IQSEC1: variants seen among roughly 807,000 people sequenced by gnomAD.
IQSEC1 encodes IQ motif and Sec7 domain ArfGEF 1, also known as IQ motif and SEC7 domain-containing protein 1.
In IQSEC1, 31 loss-of-function variants were observed where a neutral mutation model predicts 91.0. The observed-to-expected ratio is 0.34, with a 90% CI of 0.26 to 0.46. The LOEUF (loss-of-function observed/expected upper bound fraction) is 0.46. Among genes scored for constraint, IQSEC1 ranks in the 20% least tolerant of loss-of-function variants. IQSEC1 has a pLI of 1.00. For synonymous variants in IQSEC1, 699 were observed against 662.6 expected (o/e 1.05, Z -0.84); for missense variants, 1,388 against 1,575.6 (o/e 0.88, Z 2.02).
intron 2 of IQSEC1, among the ~76,000 whole-genome samples, chr3:13,139,600 G>A (rs535385009): frequency 2.4e-4 from 36 of 152,288 alleles, no homozygotes; most frequent in East Asian, 7.7e-4. Context: ...GGGTGTTTGC[G>A]GTGATTCATC....
chr3:13,279,853 C>T (rs529107435), intron 1 of IQSEC1, among the ~76,000 whole-genome samples: 3 of 152,300 alleles, frequency 2.0e-5, no homozygotes, highest in Admixed American at 6.5e-5. Flanking sequence ...TTGGGAAACC[C>T]ATGCTCAACC....
At chr3:13,271,155 A>T (rs753835392) in intron 1 of IQSEC1, among the ~76,000 whole-genome samples, 1 of 152,134 alleles carries the variant, frequency 6.6e-6, no homozygotes, top group Non-Finnish European at 1.5e-5. Context: ...AGGTGGGCTG[A>T]TCACGAGGTC....
At chr3:13,176,520 CG>C (rs1559270552) in intron 1 of IQSEC1, among the ~76,000 whole-genome samples, 1 of 152,186 alleles carries the variant, frequency 6.6e-6, no homozygotes, top group Non-Finnish European at 1.5e-5. Flanking sequence ...GTAAAGCAGT[CG>C]GGAACACATT....
intron 1 of IQSEC1, among the ~76,000 whole-genome samples, chr3:13,024,445 TCATCCACCCATCTGTCCATC>T (rs1247987555): frequency 7.3e-6 from 1 of 137,670 alleles, no homozygotes; most frequent in Non-Finnish European, 1.6e-5. Flanking sequence ...ACCCATCCAC[TCATCCACCCATCTGTCCATC>T]CATCCACCCA....
Position 12,899,175 on chromosome 3 carries a change from A to AG in IQSEC1, c.*1807dup, listed in dbSNP as rs1306003320. 1.4e-5 allele frequency: 8 copies of AG among 589,078 alleles called. No individual in the cohort carries two copies. The highest frequency in any genetic ancestry group is 1.3e-4 in the African/African-American group (7 of 53,520). The allele number at this position is 589,078 out of a possible 1,614,324, so 36.5% of individuals were successfully genotyped here. On this transcript the variant is annotated 3_prime_UTR_variant, in exon 14 of 14. Coordinates refer to ENST00000613206, the MANE Select transcript of IQSEC1 (RefSeq NM_001134382.3). ...TATGACCGAGGGTGGGAGGGATGTG[A>AG]GGAGGGAAATCGGCAAAACCCTGGC...
chr3:13,047,595 A>C, intron 1 of IQSEC1: 2 of 798,804 alleles, frequency 2.5e-6, no homozygotes, highest in African/African-American at 1.9e-5. Context: ...GGCCATGTCC[A>C]CTCAGGCCCC....
intron 1 of IQSEC1, among the ~76,000 whole-genome samples, chr3:13,229,369 T>C (rs1694806623): frequency 1.3e-5 from 2 of 152,154 alleles, no homozygotes; most frequent in Non-Finnish European, 1.5e-5. Flanking sequence ...GCTTGCTGAG[T>C]GTACAGGGGT....
chr3:12,899,854 G>T lies in IQSEC1; in HGVS notation c.*1129C>A. 1.0e-6 allele frequency: 1 copy of T among 985,370 alleles called. No individual in the cohort carries two copies. The highest frequency in any genetic ancestry group is 1.2e-6 in the Non-Finnish European group (1 of 829,914). 61.0% of individuals were successfully genotyped at this position (985,370 alleles called of 1,614,324 possible). A position where few individuals can be genotyped will look rare whatever the true frequency, so the allele number is the denominator to read the frequency against. Reference sequence around the variant, plus strand: ...GATGAGGACGTTATGGTGTTGGGGAGACGAGGATGAGAGCTGGTCACTTTC... The same window carrying T: ...GATGAGGACGTTATGGTGTTGGGGATACGAGGATGAGAGCTGGTCACTTTC... On this transcript the variant is annotated 3_prime_UTR_variant, in exon 14 of 14. Transcript: ENST00000613206.
At chr3:12,987,893 C>T (rs1477172359) in intron 1 of IQSEC1, among the ~76,000 whole-genome samples, 2 of 152,220 alleles carry the variant, frequency 1.3e-5, no homozygotes, top group African/African-American at 4.8e-5. Flanking sequence ...CCATTACCCA[C>T]CCACCAGGTG....
chr3:13,205,750 C>G, intron 1 of IQSEC1, among the ~76,000 whole-genome samples: 1 of 151,042 alleles, frequency 6.6e-6, no homozygotes, highest in Non-Finnish European at 1.5e-5. Context: ...ACCCATCCAT[C>G]TCCCCTCCAC....
intron 2 of IQSEC1, among the ~76,000 whole-genome samples, chr3:13,089,688 ATCT>A (rs935182569): frequency 6.6e-6 from 1 of 152,256 alleles, no homozygotes; most frequent in Non-Finnish European, 1.5e-5. Context: ...AAAAGGACAC[ATCT>A]TCTATGATTC....
intron 1 of IQSEC1, among the ~76,000 whole-genome samples, chr3:13,026,864 G>GA (rs370534423): frequency 1.1e-5 from 1 of 90,864 alleles, no homozygotes; most frequent in South Asian, 5.9e-4. Context: ...TATCTCCCCA[G>GA]TTTTTTTTTT....
intron 1 of IQSEC1, among the ~76,000 whole-genome samples, chr3:13,057,722 A>ATGAT (rs2125079799): frequency 6.6e-6 from 1 of 152,314 alleles, no homozygotes; most frequent in African/African-American, 2.4e-5. Flanking sequence ...GCACAGTGAG[A>ATGAT]TGATTGTCCC....
At chr3:13,266,973 AG>A (rs1695502877) in intron 1 of IQSEC1, among the ~76,000 whole-genome samples, 1 of 151,116 alleles carries the variant, frequency 6.6e-6, no homozygotes, top group Admixed American at 6.6e-5. Context: ...CACACATAAG[AG>A]GCTCCATAAC....
At chr3:13,168,598 G>T (rs1693543722) in intron 1 of IQSEC1, among the ~76,000 whole-genome samples, 2 of 152,180 alleles carry the variant, frequency 1.3e-5, no homozygotes, top group South Asian at 4.1e-4. Context: ...GCCCTGCTCA[G>T]TCCTCCACCT....
At chr3:13,035,466 G>C (rs1205906245) in intron 1 of IQSEC1, among the ~76,000 whole-genome samples, 1 of 152,122 alleles carries the variant, frequency 6.6e-6, no homozygotes, top group Non-Finnish European at 1.5e-5. Context: ...CAGCTGAAAT[G>C]ATTGCCCCCT....
In IQSEC1 at chr3:12,935,758, C is replaced by T. The variant is rs1698116114; in HGVS notation, c.1258G>A (p.Glu420Lys). 6.2e-7 allele frequency: 1 copy of T among 1,609,230 alleles called. No individual in the cohort carries two copies. Residue 420 changes from glutamate to lysine, a missense_variant, in exon 3 of 14, where the codon GAG becomes AAG. Coordinates refer to ENST00000613206, the MANE Select transcript of IQSEC1 (RefSeq NM_001134382.3). This position sits in a 1 kb window ranked among gnomAD's most constrained non-coding sequence, Gnocchi z 8.0. Reference protein sequence around the residue: ...SGAPKSLPREEPELRPRPPRP... With the variant: ...SGAPKSLPREKPELRPRPPRP... ...GGGGGCCGGGGCCGCAACTCAGGCT[C>T]CTCCCGGGGGAGGCTCTTGGGGGCG...
chr3:12,970,280 G>A lies in IQSEC1; in HGVS notation c.24-28415C>T, dbSNP rs1320680671. Among the ~76,000 whole-genome samples, 1 of 152,182 alleles carries A rather than the reference G, an allele frequency of 6.6e-6. No individual in the cohort carries two copies. Among genetic ancestry groups the A allele is most frequent in the Non-Finnish European group, 1.5e-5 (1 of 68,034 alleles). ...TTCTGCCCCAGGAGAGGCTCTAATG[G>A]GGGGACATTTTGGGTTGGACCTTGA... On this transcript the variant is annotated intron_variant, in intron 1 of 13. Transcript: ENST00000613206. The surrounding 1 kb of genome is among the most constrained non-coding windows in gnomAD (Gnocchi z 4.4).
chr3:13,212,299 T>C (rs1694461181), intron 1 of IQSEC1, among the ~76,000 whole-genome samples: 2 of 152,272 alleles, frequency 1.3e-5, no homozygotes, highest in African/African-American at 4.8e-5. Flanking sequence ...CTTTTGTGAA[T>C]GGCTTCTTGC....
Sources: gnomAD v4.1 joint callset for allele counts (sites outside exome capture counted in the v4.1 genomes callset) on GRCh38, gnomAD v4.1.1 for gene constraint, Gnocchi (gnomAD v3.1) non-coding constraint, MANE v1.5 for transcripts, NCBI Gene and HGNC (gene_info 2026-07-23, HGNC 2026-07-21) for gene names.